MORN1: variants seen among roughly 807,000 people sequenced by gnomAD.
MORN1 encodes MORN repeat-containing protein 1.
A neutral mutation model predicts 61.9 loss-of-function variants in MORN1; 67 were observed. That is an observed-to-expected ratio of 1.08 (90% CI 0.89 to 1.33). MORN1 has a LOEUF of 1.33. Among genes scored for constraint, MORN1 ranks in the 40% most tolerant of loss-of-function variants. MORN1 has a pLI of 0.00. For synonymous variants in MORN1, 301 were observed against 292.0 expected (o/e 1.03, Z -0.31); for missense variants, 752 against 691.2 (o/e 1.09, Z -0.99).
At chr1:2,332,239 A>T (rs1641173769) in intron 12 of MORN1, 1 of 216,238 alleles carries the variant, frequency 4.6e-6, no homozygotes, top group Non-Finnish European at 9.4e-6. Flanking sequence ...CCCCCAGTGG[A>T]TGCTGAGAGG....
At chr1:2,384,089 G>T (rs937511265) in intron 6 of MORN1, among the ~76,000 whole-genome samples, 2 of 152,262 alleles carry the variant, frequency 1.3e-5, no homozygotes, top group Middle Eastern at 3.4e-3. Context: ...TGGAGTGATG[G>T]GTGTGGTTTC....
chr1:2,382,210 G>A (rs756089360), intron 6 of MORN1, among the ~76,000 whole-genome samples: 1 of 152,184 alleles, frequency 6.6e-6, no homozygotes, highest in African/African-American at 2.4e-5. Context: ...CTGGCAGCAG[G>A]CGGCACCTCT....
intron 6 of MORN1, among the ~76,000 whole-genome samples, chr1:2,384,693 T>G (rs2100367096): frequency 6.6e-6 from 1 of 152,284 alleles, no homozygotes; most frequent in African/African-American, 2.4e-5. Context: ...TGGCTGAAGA[T>G]GGGATTTAAG....
In MORN1 at chr1:2,385,033, C is replaced by G; in HGVS notation, c.482G>C (p.Arg161Pro). The G allele has an allele frequency of 6.3e-7, 1 of 1,599,228 alleles. No individual in the cohort carries two copies. Among genetic ancestry groups the G allele is most frequent in the Non-Finnish European group, 8.5e-7 (1 of 1,174,490 alleles). The part of the protein sequence containing the change: ...NGDKYDGDWV[R>P]DRRQGHGVLR... ...CACCCCGTGTCCCTGACGCCGGTCC[C>G]GGACCCAGTCGCCGTCGTACTTGTC... Residue 161 changes from arginine (R) to proline (P), a missense_variant, in exon 6 of 14, where the codon CGG (arginine) becomes CCG (proline). Physicochemically the swap from Arg to Pro is moderately radical, Grantham distance 103. Coordinates refer to ENST00000378531, the MANE Select transcript of MORN1 (RefSeq NM_024848.3).
At chr1:2,388,664 A>G (rs1339151214) in intron 2 of MORN1, among the ~76,000 whole-genome samples, 2 of 151,408 alleles carry the variant, frequency 1.3e-5, no homozygotes, top group African/African-American at 4.9e-5. Flanking sequence ...TTGTGGGTCC[A>G]GCTGCTCAGG....
intron 6 of MORN1, chr1:2,374,842 G>A (rs966717713): frequency 1.2e-5 from 4 of 338,024 alleles, no homozygotes; most frequent in East Asian, 1.1e-4. Flanking sequence ...ACAAAACCTC[G>A]AAGGGGCACA....
At chr1:2,352,929 G>A (rs1270278455) in intron 10 of MORN1, 1 of 152,488 alleles carries the variant, frequency 6.6e-6, no homozygotes, top group Non-Finnish European at 1.5e-5. Context: ...GTTTCTGCAG[G>A]TGCGGTCTCT....
At chr1:2,379,236 G>C (rs780716537) in intron 6 of MORN1, 4 of 452,158 alleles carry the variant, frequency 8.8e-6, no homozygotes, top group South Asian at 1.6e-5. Flanking sequence ...AGCTGATGTA[G>C]GAGGTGCCAA....
At chr1:2,378,449 G>A (rs1642292738) in intron 6 of MORN1, 1 of 169,016 alleles carries the variant, frequency 5.9e-6, no homozygotes, top group Admixed American at 5.6e-5. Context: ...AGGCCCCGTG[G>A]AGGCCCCCGG....
chr1:2,357,743 G>A lies in MORN1; in HGVS notation c.870-145C>T. 1 of 939,492 alleles carries A rather than the reference G, an allele frequency of 1.1e-6. No homozygotes were observed. Among genetic ancestry groups the A allele is most frequent in the Non-Finnish European group, 1.5e-6 (1 of 682,032 alleles). 58.2% of individuals were successfully genotyped at this position (939,492 alleles called of 1,614,324 possible). ...ACTCAGCCTCTCTGGGAGGTCTCCT[G>A]CTGGGATGGGGCCAGTTGAGGCCCA... On this transcript the variant is annotated intron_variant, in intron 9 of 13. Transcript: ENST00000378531. The surrounding 1 kb of genome is among the most constrained non-coding windows in gnomAD (Gnocchi z 6.3).
chr1:2,359,929 C>A (rs1301179237), intron 8 of MORN1, among the ~76,000 whole-genome samples: 1 of 151,880 alleles, frequency 6.6e-6, no homozygotes, highest in Non-Finnish European at 1.5e-5. Context: ...GGAGACCAGT[C>A]CGGTGCCCCA....
intron 10 of MORN1, among the ~76,000 whole-genome samples, chr1:2,344,872 G>A (rs894215543): frequency 2.0e-5 from 3 of 152,226 alleles, no homozygotes; most frequent in African/African-American, 7.2e-5. Context: ...CTGCCAGAGG[G>A]AGCATGACCG....
chr1:2,348,797 G>A (rs562079853), intron 10 of MORN1, among the ~76,000 whole-genome samples: 24 of 145,550 alleles, frequency 1.6e-4, no homozygotes, highest in Admixed American at 1.0e-3. Context: ...GCACGCACAC[G>A]CACTCCTGCG....
In MORN1 at chr1:2,325,302, CTCTT is replaced by C. The variant is rs1009675487; in HGVS notation, c.1251-1163_1251-1160del. On this transcript the variant is annotated intron_variant, in intron 12 of 13. Transcript: ENST00000378531. ...CTCTCTCTCTCCTCTCTCTCTCTCTCTCTTTTTCTCTCCTTTCTTTCTCTAGATA... is the reference window on the plus strand; with the variant it reads ...CTCTCTCTCTCCTCTCTCTCTCTCTCTTTCTCTCCTTTCTTTCTCTAGATA... Among the ~76,000 whole-genome samples, 7 of 147,890 alleles carry C rather than the reference CTCTT, an allele frequency of 4.7e-5. No homozygotes were observed. In the South Asian group the frequency reaches 8.8e-4, roughly 19 times the overall value.
rs966031436 is a variant in MORN1 at position 2,391,519 on chromosome 1, G to A, written c.15C>T (p.Gly5=). The change falls in exon 1 of 14, where the codon GGC becomes GGT. Residue 5 remains glycine (G), a synonymous_variant. Coordinates refer to ENST00000378531, the MANE Select transcript of MORN1 (RefSeq NM_024848.3). ...GCCCGCGGGAGCTCGGGGTGCCCTC[G>A]CCCGCCGCTGCCATCTTGCCGCCGA... MAAA[G]EGTPSSRGPR... 5.6e-6 allele frequency: 7 copies of A among 1,248,876 alleles called. No homozygotes were observed. The highest frequency in any genetic ancestry group is 1.6e-5 in the African/African-American group (1 of 64,454). The allele number at this position is 1,248,876 out of a possible 1,614,324, so 77.4% of individuals were successfully genotyped here.
intron 6 of MORN1, among the ~76,000 whole-genome samples, chr1:2,380,819 G>A (rs1642355051): frequency 6.6e-6 from 1 of 152,206 alleles, no homozygotes; most frequent in Non-Finnish European, 1.5e-5. Context: ...GCCTCCCAAA[G>A]TGCTGAGAGT....
intron 12 of MORN1, chr1:2,326,613 G>C (rs1289786653): frequency 6.6e-6 from 1 of 152,308 alleles, no homozygotes; most frequent in African/African-American, 2.4e-5. Flanking sequence ...TGCGTGCCTG[G>C]GACTGCACCT....
At chr1:2,351,980 G>A in intron 10 of MORN1, 1 of 515,442 alleles carries the variant, frequency 1.9e-6, no homozygotes, top group Non-Finnish European at 3.7e-6. Context: ...CAGTAGGCAT[G>A]CCCCCTCCAG....
At chr1:2,335,828 T>TAGCCCGGCCCAGCCCAGCCC (rs138508948) in intron 12 of MORN1, among the ~76,000 whole-genome samples, 2 of 143,014 alleles carry the variant, frequency 1.4e-5, no homozygotes, top group African/African-American at 6.1e-5. Context: ...CTCGCCTCCA[T>TAGCCCGGCCCAGCCCAGCCC]AGCCCAGCCC....
Sources: allele counts gnomAD v4.1 joint callset (sites outside exome capture counted in the v4.1 genomes callset), GRCh38; gene constraint gnomAD v4.1.1; non-coding constraint Gnocchi (gnomAD v3.1); transcripts MANE v1.5; gene names NCBI Gene and HGNC (gene_info 2026-07-23, HGNC 2026-07-21).